Variants in TENM2 observed in about 807,000 individuals in gnomAD.
The protein encoded by TENM2 is teneurin-2.
In TENM2, 52 loss-of-function variants were observed where a neutral mutation model predicts 245.2. That is an observed-to-expected ratio of 0.21 (90% confidence interval 0.17 to 0.27). The LOEUF (loss-of-function observed/expected upper bound fraction) is 0.27. Ranked by LOEUF, TENM2 falls within the 10% of genes least tolerant of loss-of-function variation. The pLI is 1.00. For synonymous variants in TENM2, 1,363 were observed against 1,438.9 expected (o/e 0.95, Z 1.19); for missense variants, 3,046 against 3,666.8 (o/e 0.83, Z 4.37).
chr5:167,812,904 C>T (rs936136320), intron 2 of TENM2, among the ~76,000 whole-genome samples: 1 of 152,120 alleles, frequency 6.6e-6, no homozygotes, highest in Admixed American at 6.5e-5. Flanking sequence ...GACTGGTGAC[C>T]GCATCCCTGG....
chr5:168,157,786 G>A (rs1757314680), intron 12 of TENM2, among the ~76,000 whole-genome samples: 1 of 152,196 alleles, frequency 6.6e-6, no homozygotes, highest in South Asian at 2.1e-4. Context: ...AGGTGCTTAT[G>A]AGTGTACAGG....
intron 1 of TENM2, among the ~76,000 whole-genome samples, chr5:167,293,721 G>T (rs1754789502): frequency 6.6e-6 from 1 of 152,076 alleles, no homozygotes; most frequent in Non-Finnish European, 1.5e-5. Context: ...AGGTTCTTCT[G>T]GAATGTTGGA....
intron 1 of TENM2, among the ~76,000 whole-genome samples, chr5:167,355,830 A>G (rs548376297): frequency 2.3e-4 from 35 of 151,540 alleles, no homozygotes; most frequent in Non-Finnish European, 3.5e-4. Context: ...AAAAGTTGGC[A>G]TTTTAAAAAA....
At chr5:167,801,117 T>C (rs1397813497) in intron 2 of TENM2, among the ~76,000 whole-genome samples, 109 of 47,916 alleles carry the variant, frequency 2.3e-3, no homozygotes, top group Non-Finnish European at 3.1e-3. Flanking sequence ...AAAATATATA[T>C]ATATATATAT....
the TENM2 span, among the ~76,000 whole-genome samples, chr5:167,149,296 G>A: frequency 6.6e-6 from 1 of 151,942 alleles, no homozygotes; most frequent in African/African-American, 2.4e-5. Flanking sequence ...AGGATAATCT[G>A]GCATGAATTA....
intron 15 of TENM2, among the ~76,000 whole-genome samples, chr5:168,197,699 C>CA (rs71593165): frequency 0.24 from 19,756 of 83,450 alleles, 2,529 homozygotes; most frequent in African/African-American, 0.42. Flanking sequence ...GACTCCATCC[C>CA]AAAAAAAAAA....
At chr5:167,575,640 G>A (rs1719127943) in intron 2 of TENM2, among the ~76,000 whole-genome samples, 1 of 152,242 alleles carries the variant, frequency 6.6e-6, no homozygotes, top group Non-Finnish European at 1.5e-5. Context: ...ATCATCCAGA[G>A]ATAATCTCTG....
At chr5:167,572,795 G>T (rs1774362183) in intron 2 of TENM2, among the ~76,000 whole-genome samples, 1 of 152,166 alleles carries the variant, frequency 6.6e-6, no homozygotes, top group Non-Finnish European at 1.5e-5. Flanking sequence ...AATGGTACAG[G>T]AAGGGAGAAG....
intron 2 of TENM2, among the ~76,000 whole-genome samples, chr5:167,801,856 A>G (rs1583046015): frequency 1.3e-5 from 2 of 152,068 alleles, no homozygotes; most frequent in East Asian, 3.9e-4. Context: ...AGATCACAGG[A>G]AGCGTCTTAG....
chr5:168,169,835 G>A (rs933201462), intron 13 of TENM2, among the ~76,000 whole-genome samples: 3 of 152,204 alleles, frequency 2.0e-5, no homozygotes, highest in Admixed American at 6.5e-5. Context: ...ACAATATTGA[G>A]CTATTAATTG....
chr5:168,013,280 A>G (rs1042865738), intron 5 of TENM2, among the ~76,000 whole-genome samples: 2 of 152,202 alleles, frequency 1.3e-5, no homozygotes, highest in African/African-American at 2.4e-5. Context: ...AAAAATCAAC[A>G]GTGTCTGATT....
chr5:167,459,766 T>G (rs1766164658), intron 2 of TENM2, among the ~76,000 whole-genome samples: 1 of 152,168 alleles, frequency 6.6e-6, no homozygotes, highest in African/African-American at 2.4e-5. Context: ...CCATGTAAAC[T>G]GTAATACACA....
At chr5:167,188,081 C>T in the TENM2 span, among the ~76,000 whole-genome samples, 1 of 152,116 alleles carries the variant, frequency 6.6e-6, no homozygotes, top group Middle Eastern at 3.2e-3. Flanking sequence ...CATTCTGTTG[C>T]ATTAATTTAT....
At chr5:167,932,777 A>G (rs892048988) in intron 3 of TENM2, among the ~76,000 whole-genome samples, 2 of 152,034 alleles carry the variant, frequency 1.3e-5, no homozygotes, top group South Asian at 4.2e-4. Flanking sequence ...TCTTTTTCAC[A>G]ATCCTTCAAA....
chr5:167,119,776 G>A, the TENM2 span, among the ~76,000 whole-genome samples: 1 of 152,242 alleles, frequency 6.6e-6, no homozygotes, highest in Non-Finnish European at 1.5e-5. Context: ...TTTGTGGATG[G>A]CCACTGTGCT....
chr5:167,278,877 G>A, the TENM2 span, among the ~76,000 whole-genome samples: 8 of 152,042 alleles, frequency 5.3e-5, no homozygotes, highest in Non-Finnish European at 1.0e-4. Context: ...CCACATTCTC[G>A]CTAACTCTTG....
At chr5:167,630,474 C>G (rs1025507730) in intron 2 of TENM2, among the ~76,000 whole-genome samples, 7 of 152,272 alleles carry the variant, frequency 4.6e-5, no homozygotes, top group African/African-American at 1.7e-4. Flanking sequence ...AGCTTATAAA[C>G]TGCTTATTTT....
At chr5:167,604,141 A>G (rs1389111400) in intron 2 of TENM2, among the ~76,000 whole-genome samples, 1 of 152,218 alleles carries the variant, frequency 6.6e-6, no homozygotes, top group African/African-American at 2.4e-5. Flanking sequence ...AAAGAAAAAA[A>G]TAAAAATACG....
At chr5:167,761,024 G>A (rs1361433205) in intron 2 of TENM2, among the ~76,000 whole-genome samples, 1 of 152,124 alleles carries the variant, frequency 6.6e-6, no homozygotes, top group African/African-American at 2.4e-5. Flanking sequence ...TGTCTCTGTG[G>A]CGGAAATGTC....
Sources: allele counts gnomAD v4.1 joint callset (sites outside exome capture counted in the v4.1 genomes callset), GRCh38; gene constraint gnomAD v4.1.1; transcripts MANE v1.5; gene names NCBI Gene and HGNC (gene_info 2026-07-23, HGNC 2026-07-21).